ASXL3: variants seen among roughly 807,000 people sequenced by gnomAD.
ASXL3 encodes putative Polycomb group protein ASXL3.
Under a neutral mutation model 170.6 loss-of-function variants are expected in ASXL3, and 34 were observed. The observed-to-expected ratio is 0.20, with a 90% CI of 0.15 to 0.27. ASXL3 has a LOEUF of 0.27. ASXL3 is among the 10% of genes least tolerant of loss of function. The probability of loss-of-function intolerance (pLI) is 1.00; values close to 1 mark genes in which losing one functional copy is unlikely to be tolerated. For synonymous variants in ASXL3, 1,002 were observed against 989.1 expected (o/e 1.01, Z -0.24); for missense variants, 2,592 against 2,695.3 (o/e 0.96, Z 0.85).
At chr18:33,637,024 A>G (rs1390717571) in intron 2 of ASXL3, among the ~76,000 whole-genome samples, 2 of 152,150 alleles carry the variant, frequency 1.3e-5, no homozygotes, top group Non-Finnish European at 2.9e-5. Flanking sequence ...TGAATTTTCA[A>G]TGCTATTTAC....
Position 33,739,179 on chromosome 18 carries a change from T to C in ASXL3, c.1775T>C (p.Met592Thr), listed in dbSNP as rs375069336. 1.9e-5 allele frequency: 31 copies of C among 1,613,736 alleles called. No homozygotes were observed. The highest frequency in any genetic ancestry group is 2.7e-5 in the African/African-American group (2 of 74,936). The change falls in exon 11 of 12, where the codon ATG (methionine) becomes ACG (threonine). Residue 592 changes from methionine to threonine, a missense_variant. Coordinates refer to ENST00000269197, the MANE Select transcript of ASXL3 (RefSeq NM_030632.3). ...CCAAATGAAGGAATTGCTATAGATA[T>C]GGAGCTACAGAGTGACCCTGAAGAA... ...QFPNEGIAID[M>T]ELQSDPEEQL...
intron 7 of ASXL3, among the ~76,000 whole-genome samples, chr18:33,676,181 A>G (rs995560948): frequency 1.7e-4 from 23 of 134,728 alleles, no homozygotes; most frequent in South Asian, 5.0e-4. Flanking sequence ...CTGAGATGGC[A>G]CCACTGCACT....
intron 5 of ASXL3, among the ~76,000 whole-genome samples, chr18:33,664,165 C>T (rs1173932925): frequency 6.6e-6 from 1 of 152,068 alleles, no homozygotes; most frequent in Non-Finnish European, 1.5e-5. Flanking sequence ...GTACTTATAT[C>T]CCCATTTTTC....
chr18:33,660,290 A>G (rs146928962), intron 4 of ASXL3, among the ~76,000 whole-genome samples: 1 of 152,246 alleles, frequency 6.6e-6, no homozygotes, highest in Non-Finnish European at 1.5e-5. Context: ...TTATTTTCCT[A>G]AATTTGTTCA....
At position 33,744,908 on chromosome 18, in the gene ASXL3, C is replaced by T; in HGVS notation, c.5060C>T (p.Pro1687Leu). ...KGFRMDTEDF[P>L]GPELPPPAAE... is the part of the protein sequence containing the mutation. ...TTTAGAATGGACACTGAAGACTTCC[C>T]TGGCCCTGAGCTGCCTCCTCCGGCT... Residue 1687 changes from proline to leucine, a missense_variant, in exon 12 of 12, where the codon CCT becomes CTT. Coordinates refer to ENST00000269197, the MANE Select transcript of ASXL3 (RefSeq NM_030632.3). 6.2e-7 allele frequency: 1 copy of T among 1,614,008 alleles called. No homozygotes were observed. Among genetic ancestry groups the T allele is most frequent in the Non-Finnish European group, 8.5e-7 (1 of 1,179,886 alleles).
intron 8 of ASXL3, among the ~76,000 whole-genome samples, chr18:33,731,482 T>G (rs2067443147): frequency 6.6e-6 from 1 of 152,198 alleles, no homozygotes; most frequent in Non-Finnish European, 1.5e-5. Flanking sequence ...CCATTCTGTC[T>G]GGATCCTCTT....
intron 1 of ASXL3, among the ~76,000 whole-genome samples, chr18:33,583,317 C>A (rs534452211): frequency 6.6e-6 from 1 of 152,138 alleles, no homozygotes; most frequent in Non-Finnish European, 1.5e-5. Context: ...AAGAGCATAA[C>A]TGACAATGTA....
chr18:33,713,560 TTTCA>T (rs2067115980), intron 8 of ASXL3, among the ~76,000 whole-genome samples: 1 of 152,066 alleles, frequency 6.6e-6, no homozygotes, highest in Non-Finnish European at 1.5e-5. Context: ...CGGCCTGAGC[TTTCA>T]TTCATTGTCT....
chr18:33,649,267 C>A (rs1299325163), intron 4 of ASXL3, among the ~76,000 whole-genome samples: 8 of 151,950 alleles, frequency 5.3e-5, no homozygotes, highest in Non-Finnish European at 1.5e-5. Flanking sequence ...TTGGTCTTAG[C>A]AAGAGATGTA....
intron 2 of ASXL3, among the ~76,000 whole-genome samples, chr18:33,631,323 A>G (rs2065673395): frequency 6.6e-6 from 1 of 152,094 alleles, no homozygotes; most frequent in Non-Finnish European, 1.5e-5. Flanking sequence ...TAATAATCCT[A>G]AAAATCAGAG....
intron 1 of ASXL3, among the ~76,000 whole-genome samples, chr18:33,603,656 T>A (rs1254121072): frequency 6.6e-6 from 1 of 152,026 alleles, no homozygotes; most frequent in Non-Finnish European, 1.5e-5. Flanking sequence ...GTTTGCTTTG[T>A]GCACCAGCCG....
At chr18:33,688,701 G>A (rs1481406898) in intron 8 of ASXL3, among the ~76,000 whole-genome samples, 1 of 152,152 alleles carries the variant, frequency 6.6e-6, no homozygotes, top group African/African-American at 2.4e-5. Context: ...ATCATATGTA[G>A]GCAATAGTGT....
intron 4 of ASXL3, among the ~76,000 whole-genome samples, chr18:33,647,598 G>A (rs1310932070): frequency 6.6e-6 from 1 of 151,898 alleles, no homozygotes; most frequent in Admixed American, 6.6e-5. Flanking sequence ...CTTTCAGGAG[G>A]GTGAAGGAGA....
Position 33,748,521 on chromosome 18 carries a change from AAGTT to A in ASXL3, c.*1933_*1936del, listed in dbSNP as rs1277838030. Reference sequence around the variant, plus strand: ...AAATTGGCAAAACTAATGACTGAGAAAGTTAGTTAGCAATGCACTTAACCAGCCT... The same window carrying A: ...AAATTGGCAAAACTAATGACTGAGAAAGTTAGCAATGCACTTAACCAGCCT... On this transcript the variant is annotated 3_prime_UTR_variant, in exon 12 of 12. Transcript: ENST00000269197. The A allele has an allele frequency of 6.6e-6, 1 of 152,216 alleles. No individual in the cohort carries two copies. The highest frequency in any genetic ancestry group is 1.5e-5 in the Non-Finnish European group (1 of 68,048). The allele number at this position is 152,216 out of a possible 1,614,324, so 9.4% of individuals were successfully genotyped here.
At chr18:33,666,762 T>C (rs1233511857) in intron 5 of ASXL3, among the ~76,000 whole-genome samples, 1 of 152,166 alleles carries the variant, frequency 6.6e-6, no homozygotes, top group African/African-American at 2.4e-5. Flanking sequence ...AGATGGTCGA[T>C]TGAACAACCC....
At chr18:33,610,666 G>A (rs1459319023) in intron 2 of ASXL3, among the ~76,000 whole-genome samples, 3 of 151,948 alleles carry the variant, frequency 2.0e-5, no homozygotes, top group East Asian at 1.9e-4. Flanking sequence ...CCTGGCTCTC[G>A]GCAGATACTC....
chr18:33,691,552 A>G (rs981182769), intron 8 of ASXL3, among the ~76,000 whole-genome samples: 1 of 152,162 alleles, frequency 6.6e-6, no homozygotes, highest in African/African-American at 2.4e-5. Context: ...AAACATATTT[A>G]ATGCCTACAA....
chr18:33,676,631 G>C (rs1037357121), intron 7 of ASXL3, among the ~76,000 whole-genome samples: 24 of 152,186 alleles, frequency 1.6e-4, no homozygotes, highest in Non-Finnish European at 1.5e-4. Context: ...TATAGACCTT[G>C]AAAATTATTT....
chr18:33,718,749 T>C (rs2067208629), intron 8 of ASXL3, among the ~76,000 whole-genome samples: 1 of 151,936 alleles, frequency 6.6e-6, no homozygotes, highest in Non-Finnish European at 1.5e-5. Context: ...TTCTGCCCCT[T>C]TTGGCTAAGA....
Sources: gnomAD v4.1 joint callset for allele counts (sites outside exome capture counted in the v4.1 genomes callset) on GRCh38, gnomAD v4.1.1 for gene constraint, MANE v1.5 for transcripts, NCBI Gene and HGNC (gene_info 2026-07-23, HGNC 2026-07-21) for gene names.